Variants in GLMN observed in about 807,000 individuals in gnomAD.
GLMN encodes glomulin, FKBP associated protein.
GLMN carries 75 observed loss-of-function variants against 87.8 expected under a neutral mutation model. That is an observed-to-expected ratio of 0.85 (90% CI 0.71 to 1.04). The LOEUF is 1.04. Among genes scored for constraint, GLMN ranks in the 50% least tolerant of loss-of-function variants. The pLI is 0.00. For missense variants in GLMN, 588 were observed against 658.8 expected (o/e 0.89, Z 1.18); for synonymous variants, 206 against 221.6 (o/e 0.93, Z 0.63).
intron 16 of GLMN, among the ~76,000 whole-genome samples, chr1:92,250,807 T>A (rs1463589364): frequency 6.6e-6 from 1 of 152,192 alleles, no homozygotes; most frequent in Non-Finnish European, 1.5e-5. Flanking sequence ...TTCTTTTCTT[T>A]TTATTATTTT....
the GLMN span, among the ~76,000 whole-genome samples, chr1:92,309,554 TAC>T: frequency 1.5e-5 from 1 of 68,614 alleles, no homozygotes; most frequent in Non-Finnish European, 2.9e-5. Context: ...CACATACACA[TAC>T]ACATACACAT....
chr1:92,268,383 T>C (rs111901147), intron 9 of GLMN, among the ~76,000 whole-genome samples: 1,835 of 152,312 alleles, frequency 0.012, 40 homozygotes, highest in African/African-American at 0.042. Context: ...TTCAAAACAA[T>C]AGATCTTCAA....
chr1:92,353,183 G>A, the GLMN span, among the ~76,000 whole-genome samples: 1 of 152,150 alleles, frequency 6.6e-6, no homozygotes. Flanking sequence ...GTGAGCATAT[G>A]TTTTATGTTC....
chr1:92,286,317 T>C (rs915999945), intron 7 of GLMN, among the ~76,000 whole-genome samples, 173 bp downstream of exon 7: 6 of 151,406 alleles, frequency 4.0e-5, no homozygotes, highest in African/African-American at 1.5e-4. Flanking sequence ...GATGTTAATA[T>C]TTATCTTTGG....
intron 2 of GLMN, 94 bp downstream of exon 2, chr1:92,297,867 T>C (rs1650316629): frequency 1.3e-6 from 1 of 743,314 alleles, no homozygotes; most frequent in Admixed American, 2.1e-5. Flanking sequence ...TTAAAGAAGA[T>C]AAACAATTTG....
the GLMN span, among the ~76,000 whole-genome samples, chr1:92,316,278 A>T: frequency 6.6e-6 from 1 of 151,996 alleles, no homozygotes; most frequent in Non-Finnish European, 1.5e-5. Context: ...GAAGCCAAAA[A>T]CCTCTGCAGA....
the GLMN span, among the ~76,000 whole-genome samples, chr1:92,304,925 C>G: frequency 6.6e-6 from 1 of 151,160 alleles, no homozygotes; most frequent in Admixed American, 6.6e-5. Flanking sequence ...TACCTGAGCT[C>G]AAGGAGTTGG....
At chr1:92,268,666 T>C (rs1253321227) in intron 9 of GLMN, among the ~76,000 whole-genome samples, 1 of 152,206 alleles carries the variant, frequency 6.6e-6, no homozygotes, top group Non-Finnish European at 1.5e-5. Context: ...CAGGAGACCC[T>C]TGGAAATTCC....
Position 92,290,294 on chromosome 1 carries a change from T to G in GLMN, c.298A>C (p.Lys100Gln), listed in dbSNP as rs933164625. Residue 100 changes from lysine to glutamine, a missense_variant, in exon 5 of 19, where the codon AAG becomes CAG. Coordinates refer to ENST00000370360, the MANE Select transcript of GLMN (RefSeq NM_053274.3). ...FDLLVKLCNP[K>Q]ELLLGLLELI... is the part of the protein sequence containing the mutation. ...TCAAGCAAACCCAACAATAATTCCTTTGGATTGCATAACTATAAAAATATT... is the reference window on the plus strand; with the variant it reads ...TCAAGCAAACCCAACAATAATTCCTGTGGATTGCATAACTATAAAAATATT... 7 of 1,580,502 alleles carry G rather than the reference T, an allele frequency of 4.4e-6. No individual in the cohort carries two copies. The highest frequency in any genetic ancestry group is 6.1e-6 in the Non-Finnish European group (7 of 1,149,924).
the GLMN span, chr1:92,323,405 A>AT: frequency 1.4e-6 from 2 of 1,393,452 alleles, no homozygotes; most frequent in Admixed American, 2.3e-5. Flanking sequence ...TTTATTTGCT[A>AT]TTTTTTATTT....
At chr1:92,305,723 A>G in the GLMN span, among the ~76,000 whole-genome samples, 1 of 152,188 alleles carries the variant, frequency 6.6e-6, no homozygotes, top group Admixed American at 6.5e-5. Flanking sequence ...TAATAAACAT[A>G]TGAAAAGATG....
the GLMN span, among the ~76,000 whole-genome samples, chr1:92,315,050 A>G: frequency 6.6e-6 from 1 of 152,208 alleles, no homozygotes; most frequent in Non-Finnish European, 1.5e-5. Flanking sequence ...TCTCAAAATC[A>G]TAAATAAATA....
the GLMN span, among the ~76,000 whole-genome samples, chr1:92,317,614 G>A: frequency 6.6e-6 from 1 of 152,160 alleles, no homozygotes; most frequent in Non-Finnish European, 1.5e-5. Context: ...TGCTGGAGAT[G>A]CATGGTGGCG....
intron 15 of GLMN, 135 bp downstream of exon 15, chr1:92,263,488 T>C (rs1349329260): frequency 1.9e-5 from 13 of 692,740 alleles, no homozygotes; most frequent in Non-Finnish European, 3.2e-5. Context: ...ATGAAAAATC[T>C]TTATGTAACT....
At chr1:92,357,495 C>CT in the GLMN span, among the ~76,000 whole-genome samples, 2 of 152,112 alleles carry the variant, frequency 1.3e-5, no homozygotes, top group Admixed American at 1.3e-4. Context: ...CAAGATAAGG[C>CT]TGATAACTAG....
intron 7 of GLMN, among the ~76,000 whole-genome samples, chr1:92,272,724 C>A (rs4658299): frequency 3.9e-5 from 6 of 152,050 alleles, no homozygotes; most frequent in Non-Finnish European, 8.8e-5. Context: ...TCATGTGAGA[C>A]GAGAAAGAGA....
At chr1:92,285,120 A>C (rs1320464485) in intron 7 of GLMN, among the ~76,000 whole-genome samples, 1 of 152,208 alleles carries the variant, frequency 6.6e-6, no homozygotes, top group Non-Finnish European at 1.5e-5. Flanking sequence ...CTGGGTATAT[A>C]CCCAAAGGAT....
the GLMN span, among the ~76,000 whole-genome samples, chr1:92,309,479 G>C: frequency 6.6e-6 from 1 of 150,624 alleles, no homozygotes; most frequent in Non-Finnish European, 1.5e-5. Context: ...TAATCTAAAT[G>C]AATCAACTTA....
At chr1:92,272,503 T>TG (rs1462022581) in intron 7 of GLMN, among the ~76,000 whole-genome samples, 2 of 152,150 alleles carry the variant, frequency 1.3e-5, no homozygotes, top group Non-Finnish European at 2.9e-5. Flanking sequence ...TCACCACAAT[T>TG]TTTTTTAAAA....
Sources: allele counts gnomAD v4.1 joint callset (sites outside exome capture counted in the v4.1 genomes callset), GRCh38; gene constraint gnomAD v4.1.1; transcripts MANE v1.5; gene names NCBI Gene and HGNC (gene_info 2026-07-23, HGNC 2026-07-21).